SHQ1: variants seen among roughly 807,000 people sequenced by gnomAD.
SHQ1 encodes protein SHQ1 homolog.
Under a neutral mutation model 53.8 loss-of-function variants are expected in SHQ1, and 49 were observed. The ratio of observed to expected loss-of-function variants is 0.91; its 90% CI spans 0.72 to 1.16. The LOEUF (loss-of-function observed/expected upper bound fraction) is 1.16. Among genes scored for constraint, SHQ1 ranks in the 50% most tolerant of loss-of-function variants. The pLI is 0.00. For missense variants in SHQ1, 738 were observed against 683.1 expected (o/e 1.08, Z -0.90); for synonymous variants, 243 against 251.0 (o/e 0.97, Z 0.30).
At chr3:72,823,804 AT>A (rs1383518677) in intron 6 of SHQ1, among the ~76,000 whole-genome samples, 1 of 152,230 alleles carries the variant, frequency 6.6e-6, no homozygotes, top group African/African-American at 2.4e-5. Flanking sequence ...TCTATATTCC[AT>A]TTAATACTCT....
chr3:72,784,978 C>T (rs1706180472), intron 10 of SHQ1, among the ~76,000 whole-genome samples: 1 of 152,314 alleles, frequency 6.6e-6, no homozygotes, highest in South Asian at 2.1e-4. Context: ...TACTTCTGAT[C>T]CCAGTGTGAC....
chr3:72,760,680 A>T (rs926429812), intron 10 of SHQ1, among the ~76,000 whole-genome samples: 2 of 152,342 alleles, frequency 1.3e-5, no homozygotes, highest in African/African-American at 4.8e-5. Flanking sequence ...TATGAGAGTA[A>T]TATAAATTAT....
intron 10 of SHQ1, among the ~76,000 whole-genome samples, chr3:72,791,371 T>C (rs1219843238): frequency 1.3e-5 from 2 of 152,188 alleles, no homozygotes; most frequent in Non-Finnish European, 2.9e-5. Flanking sequence ...TCTGGCGAAA[T>C]CTAGATTTCC....
At chr3:72,727,857 G>A in the SHQ1 span, among the ~76,000 whole-genome samples, 5 of 152,040 alleles carry the variant, frequency 3.3e-5, no homozygotes, top group African/African-American at 7.2e-5. Flanking sequence ...CAACCAACAC[G>A]GCTCATCAGC....
At chr3:72,731,556 C>T in the SHQ1 span, among the ~76,000 whole-genome samples, 1 of 150,768 alleles carries the variant, frequency 6.6e-6, no homozygotes, top group Admixed American at 6.6e-5. Context: ...GGAATGGTGG[C>T]AGGCACCTGT....
chr3:72,801,976 G>T (rs1159559118), intron 9 of SHQ1, among the ~76,000 whole-genome samples: 5 of 152,184 alleles, frequency 3.3e-5, no homozygotes, highest in Non-Finnish European at 7.3e-5. Flanking sequence ...CTGTGGACCA[G>T]CTGTGCAGCC....
rs557767658 is a variant in SHQ1, at chr3:72,827,921, A to AT, written c.600-3371dup. Among the ~76,000 whole-genome samples the AT allele has an allele frequency of 3.3e-3, 500 of 151,264 alleles. 1 individual carries two copies. Among genetic ancestry groups the AT allele is most frequent in the African/African-American group, 0.011 (474 of 41,218 alleles). ...AGGCGCCCGCCACCATGCCCAGCTA[A>AT]TTTTTTTGTATTTTTAGTAGAGATG... On this transcript the variant is annotated intron_variant, in intron 5 of 10. Coordinates refer to ENST00000325599, the MANE Select transcript of SHQ1 (RefSeq NM_018130.3).
At chr3:72,761,561 C>T (rs1326442783) in intron 10 of SHQ1, among the ~76,000 whole-genome samples, 4 of 152,162 alleles carry the variant, frequency 2.6e-5, no homozygotes, top group Non-Finnish European at 4.4e-5. Flanking sequence ...CTCTTGGATG[C>T]TATGCAAAAG....
At chr3:72,784,631 C>T (rs1706171319) in intron 10 of SHQ1, among the ~76,000 whole-genome samples, 1 of 152,200 alleles carries the variant, frequency 6.6e-6, no homozygotes, top group Non-Finnish European at 1.5e-5. Context: ...GTTTAACTTG[C>T]TTGAAATTAC....
chr3:72,804,426 C>CA (rs1706878320), intron 9 of SHQ1, among the ~76,000 whole-genome samples: 1 of 151,996 alleles, frequency 6.6e-6, no homozygotes, highest in African/African-American at 2.4e-5. Context: ...ACCACCCCCC[C>CA]ACCCCGCCAC....
intron 1 of SHQ1, among the ~76,000 whole-genome samples, chr3:72,845,617 A>G (rs1708304898): frequency 6.6e-6 from 1 of 152,222 alleles, no homozygotes; most frequent in Non-Finnish European, 1.5e-5. Context: ...TTTCTATTTT[A>G]AAAAGTGTCT....
chr3:72,805,900 T>G (rs570551213), intron 9 of SHQ1, among the ~76,000 whole-genome samples: 1 of 152,204 alleles, frequency 6.6e-6, no homozygotes, highest in Non-Finnish European at 1.5e-5. Flanking sequence ...GAACCAAGAA[T>G]GTTTTATACA....
At chr3:72,738,207 C>G in the SHQ1 span, among the ~76,000 whole-genome samples, 1 of 152,332 alleles carries the variant, frequency 6.6e-6, no homozygotes, top group Admixed American at 6.5e-5. Context: ...CCACTGCACC[C>G]TGTGCCCAAC....
chr3:72,823,825 A>G (rs1445101333), intron 6 of SHQ1, among the ~76,000 whole-genome samples: 1 of 152,232 alleles, frequency 6.6e-6, no homozygotes, highest in Non-Finnish European at 1.5e-5. Context: ...TTCAGAATGT[A>G]CATATATATG....
chr3:72,836,445 C>T (rs1317161715), intron 4 of SHQ1, among the ~76,000 whole-genome samples: 3 of 151,812 alleles, frequency 2.0e-5, no homozygotes, highest in African/African-American at 7.3e-5. Context: ...GCTGAGATCA[C>T]GCCACTGCAC....
At chr3:72,798,750 A>G (rs1317407549) in intron 9 of SHQ1, among the ~76,000 whole-genome samples, 7 of 152,226 alleles carry the variant, frequency 4.6e-5, no homozygotes, top group Admixed American at 1.3e-4. Context: ...GGAGGCACTT[A>G]AGAAATGGTT....
intron 10 of SHQ1, chr3:72,753,409 G>A: frequency 1.0e-6 from 1 of 985,388 alleles, no homozygotes; most frequent in South Asian, 4.7e-5. Flanking sequence ...GTGCCTGCAT[G>A]TACCTGAAAT....
chr3:72,792,139 A>C (rs998396971), intron 10 of SHQ1, among the ~76,000 whole-genome samples: 1 of 152,208 alleles, frequency 6.6e-6, no homozygotes, highest in African/African-American at 2.4e-5. Flanking sequence ...TAGCCAATAA[A>C]TGCAGAGCTC....
At chr3:72,760,091 T>A (rs888169449) in intron 10 of SHQ1, among the ~76,000 whole-genome samples, 5 of 152,240 alleles carry the variant, frequency 3.3e-5, no homozygotes, top group Admixed American at 2.6e-4. Flanking sequence ...AGTTTTCTTC[T>A]TCAATTGTTT....
Sources: gnomAD v4.1 joint callset for allele counts (sites outside exome capture counted in the v4.1 genomes callset) on GRCh38, gnomAD v4.1.1 for gene constraint, MANE v1.5 for transcripts, NCBI Gene and HGNC (gene_info 2026-07-23, HGNC 2026-07-21) for gene names.